FAT4: variants seen among roughly 807,000 people sequenced by gnomAD.
FAT4 encodes the protein FAT atypical cadherin 4, also known as protocadherin Fat 4.
A neutral mutation model predicts 303.9 loss-of-function variants in FAT4; 84 were observed. That is an observed-to-expected ratio of 0.28 (90% CI 0.23 to 0.33). The LOEUF (loss-of-function observed/expected upper bound fraction) is 0.33. FAT4 is among the 10% of genes least tolerant of loss of function. The pLI, the probability that FAT4 is intolerant of heterozygous loss-of-function variation, is 1.00. For missense variants in FAT4, 6,005 were observed against 6,146.8 expected (o/e 0.98, Z 0.77); for synonymous variants, 2,307 against 2,298.8 (o/e 1.00, Z -0.10).
rs561226915 is a variant in FAT4, at chr4:125,452,884, A to G, written c.11800+74A>G. The G allele has an allele frequency of 1.5e-4, 218 of 1,477,950 alleles. No individual in the cohort carries two copies. The African/African-American group carries it at 2.9e-3, about 20-fold the overall frequency. The allele number at this position is 1,477,950 out of a possible 1,614,324, so 91.6% of individuals were successfully genotyped here. On this transcript the variant is annotated intron_variant, in intron 10 of 17. Coordinates refer to ENST00000394329, the MANE Select transcript of FAT4 (RefSeq NM_001291303.3). ...TATATTGAAACGAAATAATTTTATC[A>G]TTTTCCAATGATTTTCATATAAATG...
At chr4:125,398,656 G>C (rs1198554635) in intron 2 of FAT4, 128 bp from the exon 3 acceptor site, 2 of 833,168 alleles carry the variant, frequency 2.4e-6, no homozygotes, top group African/African-American at 3.4e-5. Context: ...TCTGTTGTTT[G>C]GATGTTAGAT....
At chr4:125,356,085 C>T (rs2940782) in intron 2 of FAT4, among the ~76,000 whole-genome samples, 79,466 of 151,734 alleles carry the variant, frequency 0.52, 20,842 homozygotes, top group Admixed American at 0.62. Flanking sequence ...GCATGCATCA[C>T]TTTGAATGAT....
In FAT4 at chr4:125,486,423, T is replaced by C. The variant is rs566568860; in HGVS notation, c.12823-922T>C. Reference sequence around the variant, plus strand: ...TTTTACCAGATGTGTTTGTTACATGTAGAAATAGCATTTGATCTGAGTGAC... The same window carrying C: ...TTTTACCAGATGTGTTTGTTACATGCAGAAATAGCATTTGATCTGAGTGAC... On this transcript the variant is annotated intron_variant, in intron 16 of 17. Coordinates refer to ENST00000394329, the MANE Select transcript of FAT4 (RefSeq NM_001291303.3). 6.7e-4 allele frequency among the ~76,000 whole-genome samples: 102 copies of C among 152,304 alleles called. 3 individuals are homozygous for C. In the South Asian group the frequency reaches 0.021, roughly 32 times the overall value.
intron 7 of FAT4, among the ~76,000 whole-genome samples, chr4:125,432,651 C>G (rs545011361): frequency 2.0e-4 from 31 of 151,870 alleles, no homozygotes; most frequent in Non-Finnish European, 3.8e-4. Flanking sequence ...ATGCATATTA[C>G]CAATAGATTG....
chr4:125,474,152 G>A (rs901864315), intron 12 of FAT4, among the ~76,000 whole-genome samples: 1 of 151,958 alleles, frequency 6.6e-6, no homozygotes, highest in East Asian at 1.9e-4. Flanking sequence ...CTTTCTTTGA[G>A]TTGTATCAGC....
rs967745001 is a variant in FAT4, at chr4:125,477,327, C to G, written c.12472C>G (p.Leu4158Val). ...CCAAGCTTTGGCAGCACAAGGCATC[C>G]TAGATCAGTATGGCGATTTTATTTC... is the stretch of plus-strand genomic sequence containing the variant. Reference protein sequence around the residue: ...PSQALAAQGILDQCPRLEGAC... With the variant: ...PSQALAAQGIVDQCPRLEGAC... The change falls in exon 14 of 18, where the codon CTA becomes GTA. Residue 4158 changes from leucine (L) to valine (V), a missense_variant. Transcript: ENST00000394329. 1 of 1,562,014 alleles carries G rather than the reference C, an allele frequency of 6.4e-7. No individual in the cohort carries two copies. Among genetic ancestry groups the G allele is most frequent in the Non-Finnish European group, 8.7e-7 (1 of 1,152,250 alleles).
At chr4:125,332,002 A>T (rs1193579291) in intron 2 of FAT4, among the ~76,000 whole-genome samples, 1 of 152,174 alleles carries the variant, frequency 6.6e-6, no homozygotes, top group Non-Finnish European at 1.5e-5. Flanking sequence ...TGGTAAGGAT[A>T]GCCTACTTCA....
intron 3 of FAT4, among the ~76,000 whole-genome samples, chr4:125,402,388 A>C (rs1403181740): frequency 6.6e-6 from 1 of 151,994 alleles, no homozygotes; most frequent in Non-Finnish European, 1.5e-5. Context: ...AACAGAACAA[A>C]TGTACAGAGT....
chr4:125,423,571 A>C (rs1724981978), intron 7 of FAT4, among the ~76,000 whole-genome samples: 1 of 152,236 alleles, frequency 6.6e-6, no homozygotes, highest in Admixed American at 6.5e-5. Context: ...GTTTAAATTT[A>C]ATTGTTAAAT....
Position 125,451,375 on chromosome 4 carries a change from T to A in FAT4, c.10365T>A (p.Phe3455Leu). The change falls in exon 10 of 18, where the codon TTT becomes TTA. Residue 3455 changes from phenylalanine (F) to leucine (L), a missense_variant. Physicochemically the swap from Phe to Leu is conservative, Grantham distance 22 (BLOSUM62 0). Transcript: ENST00000394329. ...GATCAGGGAATGAAAATGGTGCCTT[T>A]TCTATTAATCCGCAGACAGGACAGA... ...FIGSGNENGA[F>L]SINPQTGQIT... 2 of 1,614,128 alleles carry A rather than the reference T, an allele frequency of 1.2e-6. No homozygotes were observed. Among genetic ancestry groups the A allele is most frequent in the Non-Finnish European group, 1.7e-6 (2 of 1,180,012 alleles).
At chr4:125,328,181 C>T (rs1423659601) in intron 2 of FAT4, among the ~76,000 whole-genome samples, 1 of 152,076 alleles carries the variant, frequency 6.6e-6, no homozygotes, top group Admixed American at 6.6e-5. Flanking sequence ...CAAAAGTAGC[C>T]ATTTTAATAG....
At chr4:125,384,207 C>A (rs111545082) in intron 2 of FAT4, among the ~76,000 whole-genome samples, 1 of 152,104 alleles carries the variant, frequency 6.6e-6, no homozygotes, top group African/African-American at 2.4e-5. Flanking sequence ...AATTACAAGT[C>A]ATGTGATAGC....
chr4:125,458,083 A>G (rs1475450865), intron 10 of FAT4, among the ~76,000 whole-genome samples: 1 of 151,600 alleles, frequency 6.6e-6, no homozygotes, highest in Non-Finnish European at 1.5e-5. Flanking sequence ...ATCTTATAAC[A>G]TAATTAGTTC....
chr4:125,360,351 C>A (rs1732605952), intron 2 of FAT4, among the ~76,000 whole-genome samples: 1 of 152,086 alleles, frequency 6.6e-6, no homozygotes, highest in Non-Finnish European at 1.5e-5. Flanking sequence ...ATTTTCATTT[C>A]TTCATTTTCA....
intron 2 of FAT4, among the ~76,000 whole-genome samples, chr4:125,360,600 A>AACTC (rs1474274379): frequency 6.6e-6 from 1 of 152,174 alleles, no homozygotes; most frequent in African/African-American, 2.4e-5. Context: ...GTTCTCAAGG[A>AACTC]ACTCACTGTC....
At chr4:125,480,182 C>A (rs1206786752) in intron 15 of FAT4, among the ~76,000 whole-genome samples, 1 of 151,752 alleles carries the variant, frequency 6.6e-6, no homozygotes, top group Non-Finnish European at 1.5e-5. Context: ...TATAGTTAGG[C>A]TTTTTTTCAT....
chr4:125,401,709 G>A (rs1734395174), intron 3 of FAT4, among the ~76,000 whole-genome samples: 1 of 144,158 alleles, frequency 6.9e-6, no homozygotes, highest in African/African-American at 2.6e-5. Flanking sequence ...TGTTTCAGAA[G>A]CACATGATTC....
In FAT4 at chr4:125,477,269, G is replaced by A. The variant is rs754509390; in HGVS notation, c.12414G>A (p.Glu4138=). The change falls in exon 14 of 18, where the codon GAG becomes GAA. Residue 4138 remains glutamate, a synonymous_variant. Coordinates refer to ENST00000394329, the MANE Select transcript of FAT4 (RefSeq NM_001291303.3). ...ESHDFVGCIM[E]FAVNGRPLEP... ...ATGATTTTGTTGGGTGTATAATGGAGTTTGCAGTCAATGGAAGGCCTCTGG... is the reference window on the plus strand; with the variant it reads ...ATGATTTTGTTGGGTGTATAATGGAATTTGCAGTCAATGGAAGGCCTCTGG... The A allele has an allele frequency of 2.5e-6, 4 of 1,584,354 alleles. No homozygotes were observed. In the South Asian group the frequency reaches 4.5e-5, roughly 18 times the overall value.
chr4:125,490,914 C>G lies in FAT4; in HGVS notation c.14098C>G (p.Leu4700Val). 1 of 1,614,210 alleles carries G rather than the reference C, an allele frequency of 6.2e-7. No homozygotes were observed. The highest frequency in any genetic ancestry group is 8.5e-7 in the Non-Finnish European group (1 of 1,180,024). Reference sequence around the variant, plus strand: ...CTCAGCATGCCCAACTCCCAACCCTCTGTCTCGACACAGTCCAGCCCCTTT... The same window carrying G: ...CTCAGCATGCCCAACTCCCAACCCTGTGTCTCGACACAGTCCAGCCCCTTT... ...SHSACPTPNP[L>V]SRHSPAPFSK... is the part of the protein sequence containing the mutation. The change falls in exon 18 of 18, where the codon CTG becomes GTG. Residue 4700 changes from leucine to valine, a missense_variant. Coordinates refer to ENST00000394329, the MANE Select transcript of FAT4 (RefSeq NM_001291303.3).
Sources: allele counts gnomAD v4.1 joint callset (sites outside exome capture counted in the v4.1 genomes callset), GRCh38; gene constraint gnomAD v4.1.1; transcripts MANE v1.5; gene names NCBI Gene and HGNC (gene_info 2026-07-23, HGNC 2026-07-21).